Variants in CADM1 observed in about 807,000 individuals in gnomAD.
CADM1 encodes TSLC-1.
Under a neutral mutation model 53.1 loss-of-function variants are expected in CADM1, and 15 were observed. The observed-to-expected ratio is 0.28, with a 90% CI of 0.19 to 0.44. The LOEUF is 0.44. Ranked by LOEUF, CADM1 falls within the 20% of genes least tolerant of loss-of-function variation. CADM1 has a pLI of 1.00. For synonymous variants in CADM1, 281 were observed against 243.0 expected, an observed-to-expected ratio of 1.16 and a Z score of -1.45; for missense variants, 434 against 611.3, an observed-to-expected ratio of 0.71 and a Z score of 3.06.
At chr11:115,464,392 G>C (rs1344964365) in intron 1 of CADM1, among the ~76,000 whole-genome samples, 1 of 152,174 alleles carries the variant, frequency 6.6e-6, no homozygotes, top group Non-Finnish European at 1.5e-5. Context: ...GGTTTATGTA[G>C]TGTACTGCAC....
chr11:115,357,803 C>T (rs1945916577), intron 1 of CADM1, among the ~76,000 whole-genome samples: 1 of 151,678 alleles, frequency 6.6e-6, no homozygotes, highest in African/African-American at 2.4e-5. Flanking sequence ...TAGTATTAAA[C>T]TATATTCAAA....
At chr11:115,442,557 C>A (rs887448918) in intron 1 of CADM1, among the ~76,000 whole-genome samples, 1 of 152,142 alleles carries the variant, frequency 6.6e-6, no homozygotes, top group Non-Finnish European at 1.5e-5. Context: ...TAGATACCTA[C>A]CACAAAGAAT....
At chr11:115,447,712 T>C (rs141255854) in intron 1 of CADM1, among the ~76,000 whole-genome samples, 2 of 152,302 alleles carry the variant, frequency 1.3e-5, no homozygotes, top group Admixed American at 6.5e-5. Context: ...GTAGCTTTGC[T>C]GGCACCCTCC....
intron 9 of CADM1, among the ~76,000 whole-genome samples, chr11:115,194,868 G>A (rs564683222): frequency 1.4e-4 from 21 of 152,230 alleles, no homozygotes; most frequent in Non-Finnish European, 2.5e-4. Flanking sequence ...ACACAGAAGC[G>A]CCCACATATG....
At chr11:115,207,372 G>A (rs990389899) in intron 8 of CADM1, 4 of 152,122 alleles carry the variant, frequency 2.6e-5, no homozygotes, top group African/African-American at 9.7e-5. Context: ...CCTTTGATGT[G>A]GACAGAAATA....
At chr11:115,324,474 C>T (rs911228890) in intron 1 of CADM1, among the ~76,000 whole-genome samples, 1 of 149,192 alleles carries the variant, frequency 6.7e-6, no homozygotes, top group Non-Finnish European at 1.5e-5. Context: ...GAGCCCCAAT[C>T]GGTAAGTCTG....
chr11:115,420,861 C>T (rs1177570659), intron 1 of CADM1, among the ~76,000 whole-genome samples: 2 of 152,160 alleles, frequency 1.3e-5, no homozygotes, highest in East Asian at 1.9e-4. Context: ...CTTCCTAAAT[C>T]GTCTTACACT....
intron 1 of CADM1, among the ~76,000 whole-genome samples, chr11:115,285,356 G>A (rs10891822): frequency 0.18 from 27,154 of 152,142 alleles, 2,607 homozygotes; most frequent in South Asian, 0.33. Context: ...GCTACAAATT[G>A]TTCTAAGTAC....
At chr11:115,373,583 C>CAAAAAAAA (rs35059216) in intron 1 of CADM1, among the ~76,000 whole-genome samples, 9 of 48,832 alleles carry the variant, frequency 1.8e-4, no homozygotes, top group African/African-American at 5.3e-4. Flanking sequence ...GACTCTGTCT[C>CAAAAAAAA]AAAAAAAAAA....
At chr11:115,382,887 GAAAC>G (rs999112481) in intron 1 of CADM1, among the ~76,000 whole-genome samples, 37 of 152,088 alleles carry the variant, frequency 2.4e-4, no homozygotes, top group African/African-American at 8.7e-4. Flanking sequence ...AAAATAGAGT[GAAAC>G]AAACCAAGTC....
intron 1 of CADM1, among the ~76,000 whole-genome samples, chr11:115,249,627 G>A (rs374606226): frequency 6.6e-6 from 1 of 152,180 alleles, no homozygotes; most frequent in African/African-American, 2.4e-5. Context: ...AGGTTCTACT[G>A]TTCCTACAAA....
At chr11:115,388,158 A>T (rs1352386028) in intron 1 of CADM1, among the ~76,000 whole-genome samples, 1 of 152,198 alleles carries the variant, frequency 6.6e-6, no homozygotes, top group Non-Finnish European at 1.5e-5. Flanking sequence ...ACTATACACC[A>T]CTAAAAAGGG....
In CADM1 at chr11:115,419,847, C is replaced by T. The variant is rs1271014578; in HGVS notation, c.124+84424G>A. ...TGGCCTTTCTACAGAAATTAATCAA[C>T]GGGACACATTTTTGTCCTTAGCCAC... On this transcript the variant is annotated intron_variant, in intron 1 of 11. Coordinates refer to ENST00000331581, the MANE Select transcript of CADM1 (RefSeq NM_001301043.2). 3.3e-5 allele frequency among the ~76,000 whole-genome samples: 5 copies of T among 152,100 alleles called. No homozygotes were observed. In the East Asian group the frequency reaches 5.8e-4, roughly 18 times the overall value.
chr11:115,413,644 C>CTTTTTTTTTTTTTTTTTTTTT lies in CADM1; in HGVS notation c.124+90626_124+90627insAAAAAAAAAAAAAAAAAAAAA, dbSNP rs71066424. 4.0e-4 allele frequency among the ~76,000 whole-genome samples: 48 copies of CTTTTTTTTTTTTTTTTTTTTT among 120,880 alleles called. 5 individuals are homozygous for CTTTTTTTTTTTTTTTTTTTTT. Among genetic ancestry groups the CTTTTTTTTTTTTTTTTTTTTT allele is most frequent in the Non-Finnish European group, 6.1e-4 (34 of 56,074 alleles). The allele number at this position is 120,880 out of a possible 152,430, so 79.3% of individuals were successfully genotyped here. A position where few individuals can be genotyped will look rare whatever the true frequency, so the allele number is the denominator to read the frequency against. On this transcript the variant is annotated intron_variant, in intron 1 of 11. Transcript: ENST00000331581. ...CAGGGAGTGTGGCTCCAGCTCAGTT[C>CTTTTTTTTTTTTTTTTTTTTT]TTTTTTTTTTTTTTCTCTGAGACAG...
chr11:115,343,878 G>A (rs895222769), intron 1 of CADM1, among the ~76,000 whole-genome samples: 7 of 152,028 alleles, frequency 4.6e-5, no homozygotes, highest in Non-Finnish European at 1.0e-4. Context: ...TAGGAGTTAC[G>A]ATTGAGTTTC....
intron 5 of CADM1, among the ~76,000 whole-genome samples, chr11:115,221,265 T>A (rs1050095209): frequency 6.6e-6 from 1 of 152,194 alleles, no homozygotes; most frequent in African/African-American, 2.4e-5. Flanking sequence ...CATGGCATCA[T>A]CAACAGCCAA....
chr11:115,284,043 AG>A (rs1382025483), intron 1 of CADM1, among the ~76,000 whole-genome samples: 2 of 146,668 alleles, frequency 1.4e-5, no homozygotes, highest in African/African-American at 5.0e-5. Context: ...CGTTCCAGGC[AG>A]GGGGGCCTGT....
At position 115,240,275 on chromosome 11, in the gene CADM1, C is replaced by T. The variant is rs1408999928; in HGVS notation, c.270G>A (p.Arg90=). The change falls in exon 2 of 12, where the codon AGG becomes AGA. Residue 90 remains arginine (R), a splice_region_variant and synonymous_variant. Coordinates refer to ENST00000331581, the MANE Select transcript of CADM1 (RefSeq NM_001301043.2). The stretch of plus-strand genomic sequence containing the variant: ...ACAACTATAGAGATGGAAACTTACG[C>T]CTGAAGTCCCTGAAATAAATGGTCT... ...NRQTIYFRDF[R]PLKDSRFQLL... is the part of the protein sequence containing the mutation. 2 of 1,613,392 alleles carry T rather than the reference C, an allele frequency of 1.2e-6. No homozygotes were observed. Among genetic ancestry groups the T allele is most frequent in the Non-Finnish European group, 1.7e-6 (2 of 1,179,758 alleles).
intron 1 of CADM1, among the ~76,000 whole-genome samples, chr11:115,347,071 T>C (rs1490303880): frequency 6.6e-6 from 1 of 152,136 alleles, no homozygotes; most frequent in African/African-American, 2.4e-5. Flanking sequence ...TAAACTAAGA[T>C]GCGGGTACAA....
Sources: gnomAD v4.1 joint callset for allele counts (sites outside exome capture counted in the v4.1 genomes callset) on GRCh38, gnomAD v4.1.1 for gene constraint, MANE v1.5 for transcripts, NCBI Gene and HGNC (gene_info 2026-07-23, HGNC 2026-07-21) for gene names.